PMFBP1: variants seen among roughly 807,000 people sequenced by gnomAD.
The protein encoded by PMFBP1 is polyamine modulated factor 1 binding protein 1.
Under a neutral mutation model 137.8 loss-of-function variants are expected in PMFBP1, and 131 were observed. That is an observed-to-expected ratio of 0.95 (90% CI 0.82 to 1.10). The LOEUF (loss-of-function observed/expected upper bound fraction) is 1.10. Among genes scored for constraint, PMFBP1 ranks in the 50% least tolerant of loss-of-function variants. PMFBP1 has a pLI of 0.00. For synonymous variants in PMFBP1, 490 were observed against 450.4 expected (o/e 1.09, Z -1.11); for missense variants, 1,199 against 1,175.4 (o/e 1.02, Z -0.29).
chr16:72,207,759 C>A, the PMFBP1 span, among the ~76,000 whole-genome samples: 1 of 137,914 alleles, frequency 7.3e-6, no homozygotes, highest in Admixed American at 7.0e-5. Flanking sequence ...GATATACACA[C>A]ACATATACAT....
At chr16:72,242,663 AT>A in the PMFBP1 span, among the ~76,000 whole-genome samples, 1 of 152,218 alleles carries the variant, frequency 6.6e-6, no homozygotes. Context: ...TAGAACGTTC[AT>A]TTTCATTAAA....
chr16:72,162,439 C>A (rs961164792), intron 3 of PMFBP1, among the ~76,000 whole-genome samples: 4 of 152,224 alleles, frequency 2.6e-5, no homozygotes, highest in African/African-American at 4.8e-5. Flanking sequence ...ACATTTTAAT[C>A]TTCTTGCATA....
chr16:72,132,262 C>T (rs1352756236), intron 10 of PMFBP1, among the ~76,000 whole-genome samples: 3 of 152,116 alleles, frequency 2.0e-5, no homozygotes, highest in Admixed American at 6.5e-5. Flanking sequence ...ACCCTGTACC[C>T]AAGGAAGAAG....
At chr16:72,179,711 T>C (rs1415401113), upstream of PMFBP1, among the ~76,000 whole-genome samples, 4 of 152,122 alleles carry the variant, frequency 2.6e-5, no homozygotes, top group African/African-American at 9.7e-5. Context: ...CACTGCAGAA[T>C]GGAGAGGAGG....
upstream of PMFBP1, among the ~76,000 whole-genome samples, chr16:72,181,043 A>T (rs2043274550): frequency 6.6e-6 from 1 of 152,262 alleles, no homozygotes; most frequent in Non-Finnish European, 1.5e-5. Context: ...GATCGAGACC[A>T]TCCTGGCCAA....
In PMFBP1 at chr16:72,154,301, G is replaced by A; in HGVS notation, c.324C>T (p.Tyr108=). Residue 108 remains tyrosine, a synonymous_variant, in exon 4 of 21, where the codon TAC becomes TAT. Transcript: ENST00000237353. ...TGGACTGATACTGGCGGAGAGAATA[G>A]TAAGAAGTCTGCAACTCCTCTGTGT... The part of the protein sequence containing the change: ...EFHTEELQTS[Y]YSLRQYQSIL... 3 of 1,614,160 alleles carry A rather than the reference G, an allele frequency of 1.9e-6. No individual in the cohort carries two copies. Among genetic ancestry groups the A allele is most frequent in the Non-Finnish European group, 2.5e-6 (3 of 1,180,006 alleles).
At chr16:72,232,035 C>G in the PMFBP1 span, among the ~76,000 whole-genome samples, 1 of 152,092 alleles carries the variant, frequency 6.6e-6, no homozygotes, top group African/African-American at 2.4e-5. Context: ...TGAGAAAATA[C>G]CTATCAAACT....
intron 13 of PMFBP1, 50 bp downstream of exon 13, chr16:72,129,016 T>C (rs772827992): frequency 5.0e-6 from 8 of 1,592,528 alleles, no homozygotes; most frequent in South Asian, 4.6e-5. Context: ...GGTGGGGTCA[T>C]GTCCCGCTCT....
At chr16:72,179,040 A>C (rs1189120443), upstream of PMFBP1, among the ~76,000 whole-genome samples, 4 of 152,334 alleles carry the variant, frequency 2.6e-5, no homozygotes, top group African/African-American at 9.6e-5. Context: ...TCTTGTCTTA[A>C]GAAAAGATTT....
the PMFBP1 span, among the ~76,000 whole-genome samples, chr16:72,220,709 C>T: frequency 2.0e-5 from 3 of 152,130 alleles, no homozygotes; most frequent in Non-Finnish European, 1.5e-5. Context: ...GCATTTTTCT[C>T]CAGGCCTTGC....
At chr16:72,135,874 C>T (rs1302272894) in intron 9 of PMFBP1, among the ~76,000 whole-genome samples, 2 of 149,724 alleles carry the variant, frequency 1.3e-5, no homozygotes, top group Non-Finnish European at 3.0e-5. Flanking sequence ...GTGACTTGAG[C>T]CTCCCAAGTA....
chr16:72,187,996 G>A, the PMFBP1 span, among the ~76,000 whole-genome samples: 129 of 152,302 alleles, frequency 8.5e-4, no homozygotes, highest in Non-Finnish European at 1.4e-3. Flanking sequence ...CTTTTCCTTT[G>A]TAGGTACAAG....
chr16:72,238,037 CA>C, the PMFBP1 span, among the ~76,000 whole-genome samples: 9 of 152,278 alleles, frequency 5.9e-5, no homozygotes, highest in African/African-American at 2.2e-4. Context: ...TTTGTTTATC[CA>C]GTCTATCATT....
the PMFBP1 span, among the ~76,000 whole-genome samples, chr16:72,208,959 TA>T: frequency 6.6e-6 from 1 of 152,220 alleles, no homozygotes. Flanking sequence ...ATGTTAAGTG[TA>T]AAGAGTGATG....
chr16:72,213,212 A>G, the PMFBP1 span, among the ~76,000 whole-genome samples: 2 of 147,714 alleles, frequency 1.4e-5, no homozygotes, highest in African/African-American at 2.5e-5. Flanking sequence ...GGGGGTGGGG[A>G]AAGGGTGTGG....
In PMFBP1 at chr16:72,146,435, A is replaced by C. The variant is rs1030985548; in HGVS notation, c.636+4173T>G. ...CCAATATCATACTGAAAGGGCAAAA[A>C]CCGGAAGCATTCCCTTTGAAACCCA... On this transcript the variant is annotated intron_variant, in intron 5 of 20. Transcript: ENST00000237353. 5.7e-4 allele frequency among the ~76,000 whole-genome samples: 87 copies of C among 152,254 alleles called. 1 individual carries two copies. The highest frequency in any genetic ancestry group is 1.8e-3 in the African/African-American group (74 of 41,542).
chr16:72,140,715 A>AT, intron 5 of PMFBP1, 133 bp from the exon 6 acceptor site: 1 of 820,362 alleles, frequency 1.2e-6, no homozygotes, highest in Non-Finnish European at 1.9e-6. Context: ...TGGTTTCCTT[A>AT]ACAAAACAAA....
At chr16:72,125,157 G>C in intron 16 of PMFBP1, 81 bp downstream of exon 16, 1 of 1,521,326 alleles carries the variant, frequency 6.6e-7, no homozygotes, top group Non-Finnish European at 8.9e-7. Flanking sequence ...GAATGACTTA[G>C]TGCTAAATAA....
chr16:72,249,116 G>A, the PMFBP1 span, among the ~76,000 whole-genome samples: 4 of 151,706 alleles, frequency 2.6e-5, no homozygotes, highest in African/African-American at 9.7e-5. Context: ...AAGTTTCATC[G>A]ATGTTCTTTC....
Sources: allele counts gnomAD v4.1 joint callset (sites outside exome capture counted in the v4.1 genomes callset), GRCh38; gene constraint gnomAD v4.1.1; transcripts MANE v1.5; gene names NCBI Gene and HGNC (gene_info 2026-07-23, HGNC 2026-07-21).